APP: variants seen among roughly 807,000 people sequenced by gnomAD.
The protein encoded by APP is amyloid beta precursor protein, also known as amyloid-beta precursor protein.
Under a neutral mutation model 101.4 loss-of-function variants are expected in APP, and 31 were observed. The ratio of observed to expected loss-of-function variants is 0.31; its 90% CI spans 0.23 to 0.41. The LOEUF (loss-of-function observed/expected upper bound fraction) is 0.41, where lower values mean the gene tolerates loss of function less well. Ranked by LOEUF, APP falls within the 10% of genes least tolerant of loss-of-function variation. The pLI is 1.00. For missense variants in APP, 839 were observed against 1,003.7 expected (o/e 0.84, Z 2.22); for synonymous variants, 366 against 364.4 (o/e 1.00, Z -0.05).
intron 1 of APP, among the ~76,000 whole-genome samples, chr21:26,156,164 T>A (rs1188906630): frequency 6.6e-6 from 1 of 152,250 alleles, no homozygotes; most frequent in African/African-American, 2.4e-5. Context: ...ATAATTTATC[T>A]TACTTCATAA....
At chr21:26,076,333 C>A (rs542490702) in intron 3 of APP, among the ~76,000 whole-genome samples, 1 of 152,040 alleles carries the variant, frequency 6.6e-6, no homozygotes, top group East Asian at 1.9e-4. Flanking sequence ...CCTATGCTCA[C>A]AACAACCCCT....
chr21:25,883,662 C>T (rs537964003), intron 17 of APP, among the ~76,000 whole-genome samples: 141 of 152,290 alleles, frequency 9.3e-4, no homozygotes, highest in African/African-American at 3.3e-3. Context: ...CACTGCACTC[C>T]GGCCTGGGCA....
chr21:25,911,698 A>G (rs200525211), intron 14 of APP, 43 bp downstream of exon 14: 2 of 1,560,412 alleles, frequency 1.3e-6, no homozygotes, highest in East Asian at 2.2e-5. Context: ...GTATGTGTAT[A>G]TATACCTCCC....
intron 11 of APP, among the ~76,000 whole-genome samples, chr21:25,967,544 G>A (rs894910772): frequency 4.6e-5 from 7 of 152,116 alleles, no homozygotes; most frequent in African/African-American, 1.7e-4. Context: ...ACAAATTAGG[G>A]GGTGCTAAGG....
At position 26,156,271 on chromosome 21, in the gene APP, TCTAA is replaced by T. The variant is rs543840708; in HGVS notation, c.57+14289_57+14292del. Among the ~76,000 whole-genome samples the T allele has an allele frequency of 1.6e-4, 24 of 152,328 alleles. No individual in the cohort carries two copies. In the South Asian group the frequency reaches 5.0e-3, roughly 32 times the overall value. ...ATAGACCATTTTTATTTCATTGATA[TCTAA>T]CTAGGAACGTTGCAACTAATTTTTG... On this transcript the variant is annotated intron_variant, in intron 1 of 17. Coordinates refer to ENST00000346798, the MANE Select transcript of APP (RefSeq NM_000484.4).
intron 2 of APP, among the ~76,000 whole-genome samples, chr21:26,090,303 A>G (rs957591136): frequency 1.3e-5 from 2 of 152,192 alleles, no homozygotes; most frequent in African/African-American, 2.4e-5. Flanking sequence ...AAATACTCCA[A>G]TGAGCATTTC....
chr21:26,016,007 C>CT, intron 6 of APP, among the ~76,000 whole-genome samples: 1 of 151,958 alleles, frequency 6.6e-6, no homozygotes, highest in Non-Finnish European at 1.5e-5. Context: ...GATCATTACT[C>CT]TTATTTGTGG....
intron 2 of APP, among the ~76,000 whole-genome samples, chr21:26,094,308 G>A (rs960753563): frequency 6.6e-6 from 1 of 151,962 alleles, no homozygotes; most frequent in African/African-American, 2.4e-5. Context: ...TTAAGGGGGA[G>A]AACATTAGCA....
At chr21:26,013,941 T>TA (rs2043933960) in intron 6 of APP, among the ~76,000 whole-genome samples, 1 of 152,168 alleles carries the variant, frequency 6.6e-6, no homozygotes, top group Non-Finnish European at 1.5e-5. Context: ...GGGCACAAAA[T>TA]AACAGGCTGT....
chr21:25,991,184 G>C (rs1369388709), intron 8 of APP, among the ~76,000 whole-genome samples: 3 of 150,404 alleles, frequency 2.0e-5, no homozygotes, highest in Non-Finnish European at 4.4e-5. Flanking sequence ...GGAAGGAGGA[G>C]AGGGATAAAA....
chr21:25,881,286 T>C lies in APP; in HGVS notation c.*384A>G, dbSNP rs970533877. 6 of 273,174 alleles carry C rather than the reference T, an allele frequency of 2.2e-5. No homozygotes were observed. Among genetic ancestry groups the C allele is most frequent in the African/African-American group, 1.3e-4 (6 of 45,284 alleles). 16.9% of individuals were successfully genotyped at this position (273,174 alleles called of 1,614,324 possible). A position where few individuals can be genotyped will look rare whatever the true frequency, so the allele number is the denominator to read the frequency against. On this transcript the variant is annotated 3_prime_UTR_variant, in exon 18 of 18. Transcript: ENST00000346798. ...TTCACATGAAGCATCCCCCATCGATTCTTAAAGCATATGTAAAGTAGGACT... is the reference window on the plus strand; with the variant it reads ...TTCACATGAAGCATCCCCCATCGATCCTTAAAGCATATGTAAAGTAGGACT...
chr21:26,161,323 A>T (rs2063488571), intron 1 of APP, among the ~76,000 whole-genome samples: 1 of 152,212 alleles, frequency 6.6e-6, no homozygotes, highest in African/African-American at 2.4e-5. Flanking sequence ...TTACCTTCAC[A>T]TACTGAAATG....
chr21:26,046,787 A>G (rs570460345), intron 5 of APP, among the ~76,000 whole-genome samples: 1 of 152,316 alleles, frequency 6.6e-6, no homozygotes, highest in African/African-American at 2.4e-5. Context: ...ACTGGGTTCA[A>G]TCAGATTCTG....
chr21:25,958,453 AT>A (rs1413268442), intron 11 of APP, among the ~76,000 whole-genome samples: 1 of 151,916 alleles, frequency 6.6e-6, no homozygotes, highest in Non-Finnish European at 1.5e-5. Context: ...ATTTTTTTGT[AT>A]TTTTAGTAGA....
chr21:25,936,995 T>G (rs2146417397), intron 13 of APP, among the ~76,000 whole-genome samples: 1 of 152,302 alleles, frequency 6.6e-6, no homozygotes, highest in South Asian at 2.1e-4. Flanking sequence ...AAGTGATTTA[T>G]TTCAGATGTG....
At chr21:26,001,867 C>A (rs1395602599) in intron 6 of APP, among the ~76,000 whole-genome samples, 1 of 270 alleles carries the variant, frequency 3.7e-3, no homozygotes, top group East Asian at 0.1. Flanking sequence ...TGGCTTTGAG[C>A]TTCACAGGCC....
intron 1 of APP, among the ~76,000 whole-genome samples, chr21:26,137,085 C>T (rs571743005): frequency 6.6e-6 from 1 of 151,542 alleles, no homozygotes; most frequent in Non-Finnish European, 1.5e-5. Context: ...GGACTACAGG[C>T]ATGCGCCACC....
chr21:26,054,711 A>G (rs2045974205), intron 3 of APP, among the ~76,000 whole-genome samples: 1 of 148,800 alleles, frequency 6.7e-6, no homozygotes, highest in Non-Finnish European at 1.5e-5. Context: ...CAGGGAGACC[A>G]CCAAGTAGGT....
chr21:26,104,413 T>C (rs563781928), intron 2 of APP, among the ~76,000 whole-genome samples: 111 of 152,248 alleles, frequency 7.3e-4, no homozygotes, highest in Non-Finnish European at 1.3e-3. Context: ...GCAAAACTAT[T>C]ACGATTGGGA....
Sources: gnomAD v4.1 joint callset for allele counts (sites outside exome capture counted in the v4.1 genomes callset) on GRCh38, gnomAD v4.1.1 for gene constraint, MANE v1.5 for transcripts, NCBI Gene and HGNC (gene_info 2026-07-23, HGNC 2026-07-21) for gene names.